Variants in TTC28 observed in about 807,000 individuals in gnomAD.
TTC28 encodes tetratricopeptide repeat protein 28.
A neutral mutation model predicts 198.0 loss-of-function variants in TTC28; 61 were observed. The observed-to-expected ratio is 0.31, with a 90% CI of 0.25 to 0.38. The LOEUF is 0.38. Ranked by LOEUF, TTC28 falls within the 10% of genes least tolerant of loss-of-function variation. The pLI, the probability that TTC28 is intolerant of heterozygous loss-of-function variation, is 1.00. For synonymous variants in TTC28, 1,171 were observed against 1,297.8 expected (o/e 0.90, Z 2.10); for missense variants, 2,678 against 3,164.0 (o/e 0.85, Z 3.69).
chr22:28,354,819 G>T (rs1601679225), intron 2 of TTC28, among the ~76,000 whole-genome samples: 1 of 150,782 alleles, frequency 6.6e-6, no homozygotes, highest in East Asian at 2.0e-4. Context: ...CAAAAATAAA[G>T]AATACTCTTT....
chr22:28,027,925 A>AG lies in TTC28; in HGVS notation c.4073+2300dup, dbSNP rs1428311361. On this transcript the variant is annotated intron_variant, in intron 13 of 22. Coordinates refer to ENST00000397906, the MANE Select transcript of TTC28 (RefSeq NM_001145418.2). ...GACATGAGGCTGCACTGAAAGTGCC[A>AG]GGGAAGTTTGCACTGTTCTAGCAAG... Among the ~76,000 whole-genome samples the AG allele has an allele frequency of 2.6e-5, 4 of 152,382 alleles. No individual in the cohort carries two copies. In the East Asian group the frequency reaches 7.7e-4, roughly 29 times the overall value.
At chr22:28,335,725 A>T (rs1422186899) in intron 2 of TTC28, among the ~76,000 whole-genome samples, 1 of 152,196 alleles carries the variant, frequency 6.6e-6, no homozygotes, top group Non-Finnish European at 1.5e-5. Context: ...TTATCAGCTT[A>T]AGAAGATTTT....
chr22:28,580,069 T>C (rs1272065075), intron 2 of TTC28, among the ~76,000 whole-genome samples: 1 of 152,096 alleles, frequency 6.6e-6, no homozygotes, highest in Non-Finnish European at 1.5e-5. Context: ...ATTGTGTTGA[T>C]AAAGTCAGCA....
chr22:28,321,410 A>G (rs1271347798), intron 2 of TTC28, among the ~76,000 whole-genome samples: 4 of 152,190 alleles, frequency 2.6e-5, no homozygotes, highest in Non-Finnish European at 1.5e-5. Context: ...TTCTGCCTCC[A>G]TACATTGAAT....
chr22:28,225,354 T>TA lies in TTC28; in HGVS notation c.934-61756dup, dbSNP rs1170022005. ...TGGGCAACAGAGTGAGAGATTCTGT[T>TA]AAAAAAAAAAAGAAAAGAAGAAGAA... On this transcript the variant is annotated intron_variant, in intron 5 of 22. Coordinates refer to ENST00000397906, the MANE Select transcript of TTC28 (RefSeq NM_001145418.2). Among the ~76,000 whole-genome samples the TA allele has an allele frequency of 2.1e-3, 250 of 120,830 alleles. 1 individual carries two copies. Among genetic ancestry groups the TA allele is most frequent in the Middle Eastern group, 8.1e-3 (2 of 246 alleles). 79.3% of individuals were successfully genotyped at this position (120,830 alleles called of 152,430 possible). A position where few individuals can be genotyped will look rare whatever the true frequency, so the allele number is the denominator to read the frequency against.
rs779531455 is a variant in TTC28, at chr22:28,294,563, CT to C, written c.933+1634del. Reference sequence around the variant, plus strand: ...AAAAGAGTATAAATGCAGCTCTTGCCTTTTTTTTTTTTCTTTCCCCCCCAAG... The same window carrying C: ...AAAAGAGTATAAATGCAGCTCTTGCCTTTTTTTTTTTCTTTCCCCCCCAAG... On this transcript the variant is annotated intron_variant, in intron 5 of 22. Transcript: ENST00000397906. Among the ~76,000 whole-genome samples, 547 of 143,414 alleles carry C rather than the reference CT, an allele frequency of 3.8e-3. 1 individual carries two copies. Among genetic ancestry groups the C allele is most frequent in the Admixed American group, 6.7e-3 (96 of 14,308 alleles). The allele number at this position is 143,414 out of a possible 152,430, so 94.1% of individuals were successfully genotyped here. A position where few individuals can be genotyped will look rare whatever the true frequency, so the allele number is the denominator to read the frequency against.
intron 2 of TTC28, among the ~76,000 whole-genome samples, chr22:28,407,677 G>A (rs1386962440): frequency 6.6e-6 from 1 of 152,130 alleles, no homozygotes; most frequent in Non-Finnish European, 1.5e-5. Flanking sequence ...TGTTACAAGT[G>A]ACAATAACAT....
intron 1 of TTC28, among the ~76,000 whole-genome samples, chr22:28,646,725 C>A (rs970678706): frequency 6.6e-6 from 1 of 152,084 alleles, no homozygotes; most frequent in African/African-American, 2.4e-5. Context: ...ATTAGCCTGG[C>A]ATGGTGGTGT....
At chr22:28,095,493 C>G (rs1941945099) in intron 11 of TTC28, among the ~76,000 whole-genome samples, 1 of 152,000 alleles carries the variant, frequency 6.6e-6, no homozygotes, top group Non-Finnish European at 1.5e-5. Flanking sequence ...TTTAAGATTA[C>G]CAATTATAAG....
chr22:28,170,698 G>A (rs2147081046), intron 5 of TTC28, among the ~76,000 whole-genome samples: 1 of 152,230 alleles, frequency 6.6e-6, no homozygotes, highest in African/African-American at 2.4e-5. Flanking sequence ...GCTCACTGGA[G>A]AGGGTCCTGC....
At chr22:28,317,910 C>CTT (rs1416332220) in intron 2 of TTC28, among the ~76,000 whole-genome samples, 8 of 152,036 alleles carry the variant, frequency 5.3e-5, no homozygotes, top group African/African-American at 1.7e-4. Flanking sequence ...TTATACACTG[C>CTT]TTTTGCTTGT....
intron 2 of TTC28, among the ~76,000 whole-genome samples, chr22:28,564,321 A>C (rs1722058103): frequency 6.6e-6 from 1 of 152,188 alleles, no homozygotes; most frequent in Admixed American, 6.5e-5. Flanking sequence ...ATTTTTTAAT[A>C]AATAATATTT....
At chr22:28,215,288 T>G (rs921692487) in intron 5 of TTC28, among the ~76,000 whole-genome samples, 2 of 152,054 alleles carry the variant, frequency 1.3e-5, no homozygotes, top group African/African-American at 2.4e-5. Context: ...TAATAATAAA[T>G]AAATAAATAA....
intron 2 of TTC28, among the ~76,000 whole-genome samples, chr22:28,627,504 T>C (rs1394874905): frequency 2.0e-5 from 3 of 151,250 alleles, no homozygotes; most frequent in Admixed American, 6.6e-5. Context: ...CGATCTCAGC[T>C]CACTGCAACC....
At chr22:28,641,064 A>G in intron 1 of TTC28, among the ~76,000 whole-genome samples, 1 of 152,204 alleles carries the variant, frequency 6.6e-6, no homozygotes, top group Admixed American at 6.5e-5. Context: ...AGTGGCTCAC[A>G]TCTGTAATCC....
intron 14 of TTC28, 89 bp from the exon 15 acceptor site, chr22:28,001,642 G>T: frequency 6.9e-7 from 1 of 1,439,334 alleles, no homozygotes. Context: ...TAGCCTGGAT[G>T]ACACAAGCAC....
At chr22:28,411,010 G>GAAAATGAAA (rs134550) in intron 2 of TTC28, among the ~76,000 whole-genome samples, 148,649 of 151,784 alleles carry the variant, frequency 0.98, 72,785 homozygotes, top group East Asian at 0.99. Context: ...ATGGTAATTT[G>GAAAATGAAA]AAAATGAAAA....
At chr22:28,026,239 G>A (rs1197147781) in intron 13 of TTC28, among the ~76,000 whole-genome samples, 1 of 152,184 alleles carries the variant, frequency 6.6e-6, no homozygotes, top group Non-Finnish European at 1.5e-5. Flanking sequence ...ACCCCTCAAC[G>A]TGGCAGCAGC....
At chr22:28,158,580 A>T (rs1412796538) in intron 6 of TTC28, among the ~76,000 whole-genome samples, 1 of 152,240 alleles carries the variant, frequency 6.6e-6, no homozygotes, top group Non-Finnish European at 1.5e-5. Flanking sequence ...GACCAATGGA[A>T]CAGAATAGAG....
Sources: allele counts gnomAD v4.1 joint callset (sites outside exome capture counted in the v4.1 genomes callset), GRCh38; gene constraint gnomAD v4.1.1; transcripts MANE v1.5; gene names NCBI Gene and HGNC (gene_info 2026-07-23, HGNC 2026-07-21).